The following DLGAP1 variants were observed in gnomAD, a reference collection of about 807,000 sequenced individuals.
DLGAP1 encodes the protein disks large-associated protein 1.
Under a neutral mutation model 90.8 loss-of-function variants are expected in DLGAP1, and 11 were observed. That is an observed-to-expected ratio of 0.12 (90% confidence interval 0.08 to 0.20). DLGAP1 has a LOEUF of 0.20. Among genes scored for constraint, DLGAP1 ranks in the 10% least tolerant of loss-of-function variants. The pLI is 1.00. For synonymous variants in DLGAP1, 558 were observed against 540.7 expected, an observed-to-expected ratio of 1.03 and a Z score of -0.44; for missense variants, 1,050 against 1,333.8, an observed-to-expected ratio of 0.79 and a Z score of 3.31.
intron 7 of DLGAP1, 116 bp from the exon 8 acceptor site, chr18:3,582,364 G>A: frequency 6.8e-7 from 1 of 1,471,070 alleles, no homozygotes; most frequent in Non-Finnish European, 9.1e-7. Flanking sequence ...ACATTTAACA[G>A]GAAAACAAGT....
intron 3 of DLGAP1, among the ~76,000 whole-genome samples, chr18:4,004,369 CG>C (rs1568346096): frequency 1.5e-5 from 2 of 134,014 alleles, no homozygotes; most frequent in African/African-American, 7.6e-5. Context: ...CAGCTACCCC[CG>C]AGGCCCTCTG....
intron 7 of DLGAP1, among the ~76,000 whole-genome samples, chr18:3,690,820 T>C (rs1197332656): frequency 6.6e-6 from 1 of 152,218 alleles, no homozygotes; most frequent in Non-Finnish European, 1.5e-5. Flanking sequence ...AGAATTAGGC[T>C]CTACATCTCA....
At chr18:4,169,622 C>T (rs1598531432) in intron 1 of DLGAP1, among the ~76,000 whole-genome samples, 2 of 152,204 alleles carry the variant, frequency 1.3e-5, no homozygotes, top group Admixed American at 1.3e-4. Context: ...TCATGTTTCC[C>T]AGTAGAATCA....
At chr18:4,120,803 T>C (rs2076141798) in intron 2 of DLGAP1, among the ~76,000 whole-genome samples, 1 of 145,300 alleles carries the variant, frequency 6.9e-6, no homozygotes, top group Admixed American at 6.8e-5. Flanking sequence ...TCCCTCCTTC[T>C]CTCCTCTTTC....
chr18:4,351,207 G>C (rs2143978921), intron 1 of DLGAP1, among the ~76,000 whole-genome samples: 1 of 152,276 alleles, frequency 6.6e-6, no homozygotes, highest in Non-Finnish European at 1.5e-5. Context: ...CCAATTGTTA[G>C]CGTGTTTGCT....
chr18:4,318,719 A>G (rs2080595573), intron 1 of DLGAP1, among the ~76,000 whole-genome samples: 1 of 152,354 alleles, frequency 6.6e-6, no homozygotes, highest in East Asian at 1.9e-4. Flanking sequence ...CCATATTTCA[A>G]TAAAAAAACT....
chr18:4,207,270 GAGA>G (rs2077740268), intron 1 of DLGAP1, among the ~76,000 whole-genome samples: 1 of 152,114 alleles, frequency 6.6e-6, no homozygotes, highest in Admixed American at 6.5e-5. Context: ...TGGTGGCAGG[GAGA>G]AGAAGAATGA....
At chr18:3,601,680 C>CA (rs1273737302) in intron 7 of DLGAP1, among the ~76,000 whole-genome samples, 2 of 151,602 alleles carry the variant, frequency 1.3e-5, no homozygotes, top group Non-Finnish European at 2.9e-5. Flanking sequence ...CTGTCTCTAC[C>CA]AAAAATACAA....
chr18:4,094,447 A>T (rs577079176), intron 2 of DLGAP1, among the ~76,000 whole-genome samples: 1 of 152,140 alleles, frequency 6.6e-6, no homozygotes, highest in Non-Finnish European at 1.5e-5. Flanking sequence ...ATCTCTATAT[A>T]GTCTGTGTTC....
At chr18:4,421,858 G>A (rs763754150) in intron 1 of DLGAP1, among the ~76,000 whole-genome samples, 12 of 151,978 alleles carry the variant, frequency 7.9e-5, no homozygotes, top group African/African-American at 1.2e-4. Flanking sequence ...ATAGGCACCC[G>A]CCACCATCAC....
chr18:4,274,635 T>C (rs968651515), intron 1 of DLGAP1, among the ~76,000 whole-genome samples: 1 of 152,220 alleles, frequency 6.6e-6, no homozygotes, highest in African/African-American at 2.4e-5. Context: ...TACACATCCA[T>C]GCAGGCCTCC....
intron 5 of DLGAP1, among the ~76,000 whole-genome samples, chr18:3,783,377 T>C (rs2065294099): frequency 1.3e-5 from 2 of 152,218 alleles, no homozygotes; most frequent in Non-Finnish European, 2.9e-5. Flanking sequence ...TTACTCATGA[T>C]AGCCAAAAGT....
chr18:4,017,893 G>T (rs2149107488), intron 2 of DLGAP1, among the ~76,000 whole-genome samples: 1 of 152,026 alleles, frequency 6.6e-6, no homozygotes, highest in South Asian at 2.1e-4. Flanking sequence ...AATGGAGAAG[G>T]CATCAATTGG....
At chr18:3,714,371 G>A (rs1395818011) in intron 7 of DLGAP1, among the ~76,000 whole-genome samples, 1 of 152,180 alleles carries the variant, frequency 6.6e-6, no homozygotes, top group East Asian at 1.9e-4. Context: ...TTGTGCATGA[G>A]TAGATGGATG....
At chr18:3,503,339 T>G (rs2050045726) in intron 11 of DLGAP1, among the ~76,000 whole-genome samples, 1 of 152,236 alleles carries the variant, frequency 6.6e-6, no homozygotes, top group South Asian at 2.1e-4. Flanking sequence ...ATGTCTGTAA[T>G]GACCCATTTG....
chr18:3,707,549 G>A (rs1163676421), intron 7 of DLGAP1, among the ~76,000 whole-genome samples: 1 of 151,426 alleles, frequency 6.6e-6, no homozygotes. Context: ...GCAGTGAGCC[G>A]AGATCACGCC....
At chr18:3,531,237 G>A (rs935901676) in intron 10 of DLGAP1, among the ~76,000 whole-genome samples, 4 of 152,064 alleles carry the variant, frequency 2.6e-5, no homozygotes, top group African/African-American at 9.7e-5. Context: ...AGGAGTTCAA[G>A]ACCAGACTGG....
At chr18:3,740,741 A>G (rs1822353872) in intron 6 of DLGAP1, among the ~76,000 whole-genome samples, 1 of 151,588 alleles carries the variant, frequency 6.6e-6, no homozygotes, top group Non-Finnish European at 1.5e-5. Context: ...CACAATCACG[A>G]CCACCACCAC....
intron 9 of DLGAP1, among the ~76,000 whole-genome samples, chr18:3,558,843 A>T (rs1181517281): frequency 6.6e-6 from 1 of 152,186 alleles, no homozygotes; most frequent in Admixed American, 6.5e-5. Flanking sequence ...TTTTAATGAT[A>T]TATGTAAAAT....
Sources: gnomAD v4.1 joint callset for allele counts (sites outside exome capture counted in the v4.1 genomes callset) on GRCh38, gnomAD v4.1.1 for gene constraint, MANE v1.5 for transcripts, NCBI Gene and HGNC (gene_info 2026-07-23, HGNC 2026-07-21) for gene names.